Variants in CKAP5 observed in about 807,000 individuals in gnomAD.
CKAP5 encodes cytoskeleton associated protein 5, also known as cytoskeleton-associated protein 5.
Under a neutral mutation model 232.8 loss-of-function variants are expected in CKAP5, and 27 were observed. That is an observed-to-expected ratio of 0.12 (90% CI 0.09 to 0.16). The LOEUF (loss-of-function observed/expected upper bound fraction) is 0.16. Ranked by LOEUF, CKAP5 falls within the 10% of genes least tolerant of loss-of-function variation. The pLI is 1.00. For missense variants in CKAP5, 1,838 were observed against 2,424.7 expected (o/e 0.76, Z 5.08); for synonymous variants, 785 against 841.1 (o/e 0.93, Z 1.16).
At position 46,751,106 on chromosome 11, in the gene CKAP5, C is replaced by T. The variant is rs2065061343; in HGVS notation, c.5460+12G>A. ...CCTCATGTCCCTCAATCTTTCAAGT[C>T]AGGCCACTCACTATTCGAGATGCTC... On this transcript the variant is annotated intron_variant, in intron 40 of 43. Coordinates refer to ENST00000529230, the MANE Select transcript of CKAP5 (RefSeq NM_001008938.4). 6.2e-7 allele frequency: 1 copy of T among 1,613,948 alleles called. No homozygotes were observed.
chr11:46,821,591 A>AT (rs1939529011), intron 1 of CKAP5, among the ~76,000 whole-genome samples: 2 of 151,860 alleles, frequency 1.3e-5, no homozygotes, highest in Admixed American at 6.5e-5. Context: ...CGCCCGGCTA[A>AT]TTTTTTTGTA....
intron 38 of CKAP5, among the ~76,000 whole-genome samples, chr11:46,752,193 T>TATACACATACACAC (rs1408030107): frequency 1.5e-5 from 1 of 66,574 alleles, no homozygotes; most frequent in African/African-American, 5.1e-5. Flanking sequence ...TATATATATA[T>TATACACATACACAC]ACACACACAC....
chr11:46,784,395 T>G, intron 17 of CKAP5, 93 bp downstream of exon 17: 1 of 1,019,578 alleles, frequency 9.8e-7, no homozygotes. Context: ...AGATTTTACT[T>G]GAGAAGATAA....
In CKAP5 at chr11:46,776,352, A is replaced by G. The variant is rs776934263; in HGVS notation, c.2894T>C (p.Val965Ala). The change falls in exon 24 of 44, where the codon GTG becomes GCG. Residue 965 changes from valine to alanine, a missense_variant. Transcript: ENST00000529230. ...GCCAGTCTGTTCTGCCCAAGCATTC[A>G]CAGTCGCTAGGGCAGCAGCTCGAAC... ...NNVRAAALAT[V>A]NAWAEQTGMK... 5.0e-6 allele frequency: 8 copies of G among 1,613,414 alleles called. No individual in the cohort carries two copies. The Admixed American group carries it at 1.3e-4, about 27-fold the overall frequency.
intron 13 of CKAP5, 101 bp from the exon 14 acceptor site, chr11:46,790,684 C>A (rs929163987): frequency 2.6e-6 from 2 of 761,470 alleles, no homozygotes; most frequent in South Asian, 1.9e-5. Context: ...ATATTGTTGT[C>A]GAGCCTGGAA....
intron 26 of CKAP5, among the ~76,000 whole-genome samples, chr11:46,768,911 TTTTA>T (rs1353283191): frequency 6.6e-6 from 1 of 151,872 alleles, no homozygotes; most frequent in Non-Finnish European, 1.5e-5. Flanking sequence ...TATTATCAAA[TTTTA>T]TTTATTTTTA....
At chr11:46,787,041 C>T (rs1191024877) in intron 16 of CKAP5, among the ~76,000 whole-genome samples, 1 of 152,008 alleles carries the variant, frequency 6.6e-6, no homozygotes, top group African/African-American at 2.4e-5. Context: ...GCCTGTGGTC[C>T]CGACTACTTG....
chr11:46,758,857 A>T, intron 35 of CKAP5, 66 bp downstream of exon 35: 1 of 1,569,644 alleles, frequency 6.4e-7, no homozygotes. Flanking sequence ...GCGAGTGTGC[A>T]ATTCATCACA....
rs563949793 is a variant in CKAP5 at position 46,776,491 on chromosome 11, A to G, written c.2863-108T>C. 289 of 697,150 alleles carry G rather than the reference A, an allele frequency of 4.1e-4. 1 individual carries two copies. Among genetic ancestry groups the G allele is most frequent in the South Asian group, 2.4e-3 (65 of 27,604 alleles). 43.2% of individuals were successfully genotyped at this position (697,150 alleles called of 1,614,324 possible). ...AACAATGGAGGGTTATCTAAGGCCC[A>G]CATGAACATACATGAAACCATCTTC... On this transcript the variant is annotated intron_variant, in intron 23 of 43. Transcript: ENST00000529230.
At chr11:46,798,224 A>C in intron 9 of CKAP5, 52 bp from the exon 10 acceptor site, 1 of 1,232,318 alleles carries the variant, frequency 8.1e-7, no homozygotes. Context: ...GGAATGATAT[A>C]TTGATATATC....
At chr11:46,798,232 A>ATCAT in intron 9 of CKAP5, 60 bp from the exon 10 acceptor site, 2 of 1,162,340 alleles carry the variant, frequency 1.7e-6, no homozygotes, top group Non-Finnish European at 2.6e-6. Flanking sequence ...ATATTGATAT[A>ATCAT]TCCTAGAACA....
intron 2 of CKAP5, among the ~76,000 whole-genome samples, chr11:46,818,944 T>C (rs910790324): frequency 8.5e-5 from 13 of 152,186 alleles, no homozygotes; most frequent in Non-Finnish European, 2.9e-5. Context: ...AGCTAGTAGA[T>C]TCCGGACATT....
rs202051926 is a variant in CKAP5, at chr11:46,770,874, C to T, written c.3100G>A (p.Val1034Met). The change falls in exon 25 of 44, where the codon GTG becomes ATG. Residue 1034 changes from valine to methionine, a missense_variant. Val to Met is a conservative substitution (Grantham distance 21). This residue lies in a region of CKAP5 where 767 missense variants were observed against 954.6 expected (regional missense o/e 0.80). Coordinates refer to ENST00000529230, the MANE Select transcript of CKAP5 (RefSeq NM_001008938.4). Reference protein sequence around the residue: ...YSCLEDRNGDVRKKAQDALPF... With the variant: ...YSCLEDRNGDMRKKAQDALPF... ...AAGGCATCTTGGGCCTTCTTTCGCA[C>T]ATCTCCATTTCGATCTTCTAGGCAG... 2 of 1,614,182 alleles carry T rather than the reference C, an allele frequency of 1.2e-6. No homozygotes were observed. The highest frequency in any genetic ancestry group is 1.7e-6 in the Non-Finnish European group (2 of 1,180,026).
chr11:46,829,571 C>T (rs758422507), intron 1 of CKAP5, among the ~76,000 whole-genome samples: 5 of 152,136 alleles, frequency 3.3e-5, no homozygotes, highest in Non-Finnish European at 5.9e-5. Context: ...TTTCTTTTCT[C>T]TAGCTTACTT....
chr11:46,779,797 A>AT (rs1389128927), intron 20 of CKAP5, among the ~76,000 whole-genome samples: 3 of 148,940 alleles, frequency 2.0e-5, no homozygotes, highest in Non-Finnish European at 4.5e-5. Context: ...TTTTTTGATT[A>AT]TTTTTTTGTA....
chr11:46,837,326 T>TC (rs1027300612), intron 1 of CKAP5, among the ~76,000 whole-genome samples: 21 of 151,770 alleles, frequency 1.4e-4, no homozygotes, highest in African/African-American at 3.4e-4. Flanking sequence ...CTCATGTTTT[T>TC]CCCCCCCGCC....
At chr11:46,795,358 T>C (rs1352219497) in intron 13 of CKAP5, among the ~76,000 whole-genome samples, 1 of 152,078 alleles carries the variant, frequency 6.6e-6, no homozygotes. Flanking sequence ...TAGTAAATTT[T>C]ATGTTAAATT....
At chr11:46,782,929 A>G (rs1294670288) in intron 18 of CKAP5, among the ~76,000 whole-genome samples, 3 of 152,248 alleles carry the variant, frequency 2.0e-5, no homozygotes, top group Non-Finnish European at 2.9e-5. Flanking sequence ...GATTTCTGAC[A>G]GCAGTTAATT....
intron 38 of CKAP5, 81 bp downstream of exon 38, chr11:46,752,554 G>T: frequency 9.5e-7 from 1 of 1,047,350 alleles, no homozygotes. Context: ...GTCTTTCTTA[G>T]CTCCAATTCC....
Sources: gnomAD v4.1 joint callset for allele counts (sites outside exome capture counted in the v4.1 genomes callset) on GRCh38, gnomAD v4.1.1 for gene constraint, gnomAD v4.1.1 regional missense constraint, MANE v1.5 for transcripts, NCBI Gene and HGNC (gene_info 2026-07-23, HGNC 2026-07-21) for gene names.